The following PLTP variants were observed in gnomAD, a reference collection of about 807,000 sequenced individuals.
The protein encoded by PLTP is BPI fold containing family E.
A neutral mutation model predicts 54.1 loss-of-function variants in PLTP; 43 were observed. The observed-to-expected ratio is 0.79, with a 90% CI of 0.62 to 1.02. The LOEUF (loss-of-function observed/expected upper bound fraction) is 1.02. PLTP is among the 50% of genes least tolerant of loss of function. PLTP has a pLI of 0.00. For synonymous variants in PLTP, 263 were observed against 264.6 expected (o/e 0.99, Z 0.06); for missense variants, 604 against 645.9 (o/e 0.94, Z 0.70).
At chr20:45,908,810 AATT>A (rs1246345725) in intron 5 of PLTP, among the ~76,000 whole-genome samples, 3 of 151,970 alleles carry the variant, frequency 2.0e-5, no homozygotes, top group Non-Finnish European at 4.4e-5. Context: ...TCAAAAAAAA[AATT>A]ATTATTTTTG....
intron 3 of PLTP, 72 bp from the exon 4 acceptor site, chr20:45,910,142 G>A (rs1600483484): frequency 6.4e-7 from 1 of 1,561,714 alleles, no homozygotes; most frequent in East Asian, 2.3e-5. Context: ...AAATTTGTCT[G>A]CTCCCCTTTC....
intron 1 of PLTP, 95 bp from the exon 2 acceptor site, chr20:45,911,558 C>G: frequency 1.3e-6 from 2 of 1,519,154 alleles, no homozygotes; most frequent in Non-Finnish European, 8.9e-7. Context: ...GGATCGTTAC[C>G]CTCCAGATAA....
rs531166593 is a variant in PLTP at position 45,901,336 on chromosome 20, G to A, written c.1175+931C>T. Among the ~76,000 whole-genome samples, 12 of 152,252 alleles carry A rather than the reference G, an allele frequency of 7.9e-5. No homozygotes were observed. The South Asian group carries it at 1.9e-3, about 24-fold the overall frequency. ...AAATGGGCTGGGTGCGGTGGCTCAC[G>A]CCTGTAATCCTAGCACTTTGGGAGG... is the stretch of plus-strand genomic sequence containing the variant. On this transcript the variant is annotated intron_variant, in intron 12 of 15. Coordinates refer to ENST00000372431, the MANE Select transcript of PLTP (RefSeq NM_006227.4).
intron 9 of PLTP, 33 bp from the exon 10 acceptor site, chr20:45,904,892 C>G: frequency 1.2e-6 from 2 of 1,614,182 alleles, no homozygotes; most frequent in Non-Finnish European, 1.7e-6. Context: ...AGGGAGTGAG[C>G]TCTGTCACAG....
At position 45,901,759 on chromosome 20, in the gene PLTP, G is replaced by A. The variant is rs185324213; in HGVS notation, c.1175+508C>T. ...TCTACTAAAAATGCAAAAATTAGCC[G>A]GGCGTGGTGGCGCACACCTGTAATC... On this transcript the variant is annotated intron_variant, in intron 12 of 15. Transcript: ENST00000372431. 1.1e-4 allele frequency among the ~76,000 whole-genome samples: 17 copies of A among 151,872 alleles called. No individual in the cohort carries two copies. In the South Asian group the frequency reaches 2.3e-3, roughly 21 times the overall value.
Position 45,907,702 on chromosome 20 carries a change from G to C in PLTP, c.603C>G (p.Asp201Glu), listed in dbSNP as rs1381038199. 6 of 1,613,842 alleles carry C rather than the reference G, an allele frequency of 3.7e-6. No homozygotes were observed. In the East Asian group the frequency reaches 1.1e-4, roughly 30 times the overall value. Residue 201 changes from aspartate (D) to glutamate (E), a missense_variant, in exon 7 of 16, where the codon GAC becomes GAG. Asp to Glu is a conservative substitution (Grantham distance 45). Transcript: ENST00000372431. ...CCGCCACCAACTCACCAGGCACGGT[G>C]TCCAGGAGGGAGTTGAGCAGGACCG... The part of the protein sequence containing the change: ...AGTVLLNSLL[D>E]TVPVRSSVDE...
chr20:45,899,313 A>G (rs949518829), intron 15 of PLTP, 149 bp downstream of exon 15: 2 of 935,782 alleles, frequency 2.1e-6, no homozygotes, highest in Non-Finnish European at 3.3e-6. Flanking sequence ...CCAAGAAGTC[A>G]CAGTGTGTGC....
Position 45,902,545 on chromosome 20 carries a change from G to A in PLTP, c.1002C>T (p.Arg334=). ...TGGTGCCAGAGGGCTTGATGGTGCAGCGCGGTGGGGCCAGGACCCGCAGCT... is the reference window on the plus strand; with the variant it reads ...TGGTGCCAGAGGGCTTGATGGTGCAACGCGGTGGGGCCAGGACCCGCAGCT... ...KLELRVLAPP[R]CTIKPSGTTI... is the part of the protein sequence containing the mutation. The change falls in exon 11 of 16, where the codon CGC becomes CGT. Residue 334 remains arginine, a synonymous_variant. Transcript: ENST00000372431. 6 of 1,614,096 alleles carry A rather than the reference G, an allele frequency of 3.7e-6. No individual in the cohort carries two copies. The South Asian group carries it at 6.6e-5, about 18-fold the overall frequency.
At chr20:45,902,139 T>C (rs907928243) in intron 12 of PLTP, 128 bp downstream of exon 12, 16 of 953,618 alleles carry the variant, frequency 1.7e-5, no homozygotes, top group Non-Finnish European at 2.1e-5. Flanking sequence ...CACTTTGGCA[T>C]GCATTAACAA....
At position 45,899,578 on chromosome 20, in the gene PLTP, G is replaced by C. The variant is rs756338897; in HGVS notation, c.1283-40C>G. 8 of 1,614,100 alleles carry C rather than the reference G, an allele frequency of 5.0e-6. No homozygotes were observed. The East Asian group carries it at 1.6e-4, about 31-fold the overall frequency. On this transcript the variant is annotated intron_variant, in intron 14 of 15. Transcript: ENST00000372431. ...ACCCCGCTCAGTCTGGGCCCGCCCA[G>C]TTCACCCCTCCTTTCTTCCTCCATC...
intron 3 of PLTP, 87 bp downstream of exon 3, chr20:45,911,065 C>A (rs2083285352): frequency 8.1e-6 from 13 of 1,611,052 alleles, no homozygotes; most frequent in Non-Finnish European, 8.5e-6. Flanking sequence ...ACTCAGCCTC[C>A]AGTCTCCCGA....
At chr20:45,904,518 TAAAC>T (rs771119073) in intron 10 of PLTP, among the ~76,000 whole-genome samples, 1 of 152,132 alleles carries the variant, frequency 6.6e-6, no homozygotes, top group Non-Finnish European at 1.5e-5. Flanking sequence ...AATACACAAA[TAAAC>T]AAAAGTATAT....
At chr20:45,902,801 T>C (rs534791940) in intron 10 of PLTP, among the ~76,000 whole-genome samples, 197 bp from the exon 11 acceptor site, 1 of 152,258 alleles carries the variant, frequency 6.6e-6, no homozygotes, top group Non-Finnish European at 1.5e-5. Context: ...GAAACAGGAA[T>C]GTGTTCTTCT....
intron 4 of PLTP, 106 bp from the exon 5 acceptor site, chr20:45,909,777 C>G: frequency 7.0e-7 from 1 of 1,438,444 alleles, no homozygotes. Context: ...TTCCACACAT[C>G]CTACCAAACC....
intron 1 of PLTP, chr20:45,911,760 C>T (rs1448892001): frequency 1.6e-5 from 8 of 500,648 alleles, no homozygotes; most frequent in Non-Finnish European, 2.6e-5. Context: ...CCCCACACCC[C>T]CAACAACCTC....
intron 8 of PLTP, 38 bp downstream of exon 8, chr20:45,906,230 A>C (rs139078014): frequency 2.9e-6 from 4 of 1,397,792 alleles, no homozygotes; most frequent in African/African-American, 2.8e-5. Flanking sequence ...AGGTCTTGTT[A>C]GGAAGTCAGA....
Position 45,907,716 on chromosome 20 carries a change from T to G in PLTP, c.589A>C (p.Asn197His), listed in dbSNP as rs2083253945. Reference protein sequence around the residue: ...VLYHAGTVLLNSLLDTVPVRS... With the variant: ...VLYHAGTVLLHSLLDTVPVRS... ...CCAGGCACGGTGTCCAGGAGGGAGT[T>G]GAGCAGGACCGTCCCTGCGTGGTAG... Residue 197 changes from asparagine (N) to histidine (H), a missense_variant, in exon 7 of 16, where the codon AAC (asparagine) becomes CAC (histidine). By Grantham distance (68) the Asn-to-His change is moderately conservative. Transcript: ENST00000372431. The G allele has an allele frequency of 6.2e-7, 1 of 1,613,824 alleles. No homozygotes were observed. Among genetic ancestry groups the G allele is most frequent in the Non-Finnish European group, 8.5e-7 (1 of 1,179,938 alleles).
At chr20:45,908,521 C>A (rs555529536) in intron 5 of PLTP, among the ~76,000 whole-genome samples, 1 of 152,094 alleles carries the variant, frequency 6.6e-6, no homozygotes, top group African/African-American at 2.4e-5. Context: ...AAAAATAGGC[C>A]GGGCACAGTT....
intron 11 of PLTP, 49 bp downstream of exon 11, chr20:45,902,391 C>A (rs1249895489): frequency 5.6e-6 from 9 of 1,613,918 alleles, no homozygotes; most frequent in Non-Finnish European, 6.8e-6. Context: ...AACCCACAGC[C>A]CATTTTTCCC....
Sources: allele counts gnomAD v4.1 joint callset (sites outside exome capture counted in the v4.1 genomes callset), GRCh38; gene constraint gnomAD v4.1.1; transcripts MANE v1.5; gene names NCBI Gene and HGNC (gene_info 2026-07-23, HGNC 2026-07-21).